Variants in DCTN1 observed in about 807,000 individuals in gnomAD.
The protein encoded by DCTN1 is 150 kDa dynein-associated polypeptide.
Under a neutral mutation model 161.2 loss-of-function variants are expected in DCTN1, and 61 were observed. The ratio of observed to expected loss-of-function variants is 0.38; its 90% CI spans 0.31 to 0.47. DCTN1 has a LOEUF of 0.47. Among genes scored for constraint, DCTN1 ranks in the 20% least tolerant of loss-of-function variants. The pLI is 0.99. For missense variants in DCTN1, 1,404 were observed against 1,623.7 expected, an observed-to-expected ratio of 0.86 and a Z score of 2.33; for synonymous variants, 653 against 632.4, an observed-to-expected ratio of 1.03 and a Z score of -0.49.
intron 26 of DCTN1, 36 bp downstream of exon 26, chr2:74,365,039 C>T (rs1674297791): frequency 1.2e-6 from 2 of 1,612,874 alleles, no homozygotes; most frequent in Non-Finnish European, 1.7e-6. Flanking sequence ...AAGACAATCT[C>T]CTCTGTGCTA....
At chr2:74,390,579 CT>C (rs1558956870) in intron 1 of DCTN1, 1 of 451,000 alleles carries the variant, frequency 2.2e-6, no homozygotes, top group Admixed American at 2.4e-5. Flanking sequence ...GTCCAGACTC[CT>C]ACCTTATAGG....
In DCTN1 at chr2:74,371,399, A is replaced by C; in HGVS notation, c.645+138T>G. The stretch of plus-strand genomic sequence containing the variant: ...AAAGGATGGCTCAGTCAGTAGCAAG[A>C]TATCCATAGGCTATGTCCTCACCCT... On this transcript the variant is annotated intron_variant, in intron 8 of 31. Transcript: ENST00000628224. 4 of 1,244,972 alleles carry C rather than the reference A, an allele frequency of 3.2e-6. No homozygotes were observed. The South Asian group carries it at 5.7e-5, about 18-fold the overall frequency. The allele number at this position is 1,244,972 out of a possible 1,614,324, so 77.1% of individuals were successfully genotyped here. A position where few individuals can be genotyped will look rare whatever the true frequency, so the allele number is the denominator to read the frequency against.
Position 74,371,127 on chromosome 2 carries a change from T to C in DCTN1, c.695A>G (p.Glu232Gly), listed in dbSNP as rs1238860517. 6.2e-7 allele frequency: 1 copy of C among 1,614,182 alleles called. No homozygotes were observed. The highest frequency in any genetic ancestry group is 8.5e-7 in the Non-Finnish European group (1 of 1,180,036). ...AQVRDLEEKL[E>G]TLRLKRAEDK... ...TTCTGCCCGTTTCAGTCTCAGGGTC[T>C]CTAGTTTCTCCTCCAGGTCCCGCAC... The change falls in exon 9 of 32, where the codon GAG becomes GGG. Residue 232 changes from glutamate to glycine, a missense_variant. Physicochemically the swap from Glu to Gly is moderately conservative, Grantham distance 98. Transcript: ENST00000628224.
At chr2:74,365,386 GT>G in intron 25 of DCTN1, 128 bp downstream of exon 25, 1 of 1,552,316 alleles carries the variant, frequency 6.4e-7, no homozygotes, top group South Asian at 1.2e-5. Context: ...ATGCAATGGG[GT>G]TGGCAGTGGG....
intron 26 of DCTN1, chr2:74,363,872 G>A (rs1674209350): frequency 1.7e-6 from 1 of 604,510 alleles, no homozygotes; most frequent in Non-Finnish European, 3.0e-6. Flanking sequence ...GTGAAGAACA[G>A]TGGCAAAGAG....
rs756173900 is a variant in DCTN1 at position 74,368,039 on chromosome 2, T to C, written c.1947A>G (p.Gln649=). 45 of 1,613,956 alleles carry C rather than the reference T, an allele frequency of 2.8e-5. No homozygotes were observed. The highest frequency in any genetic ancestry group is 4.0e-5 in the African/African-American group (3 of 74,918). Residue 649 remains glutamine (Q), a synonymous_variant, in exon 17 of 32, where the codon CAA becomes CAG. Transcript: ENST00000628224. ...ACACCAGTCCAGCAGCAAAGCTGAG[T>C]TGCTCCCCAGCAGCTCCTCGCAGCC... ...RPGLRGAAGE[Q]LSFAAGLVYS...
At chr2:74,379,008 T>G (rs562217374) in intron 1 of DCTN1, 1 of 153,406 alleles carries the variant, frequency 6.5e-6, no homozygotes, top group Admixed American at 6.5e-5. Flanking sequence ...GTAAATTGGG[T>G]GGATCTACCC....
intron 8 of DCTN1, 137 bp downstream of exon 8, chr2:74,371,400 T>C (rs1376188721): frequency 8.0e-7 from 1 of 1,243,874 alleles, no homozygotes; most frequent in African/African-American, 1.5e-5. Context: ...AGTAGCAAGA[T>C]ATCCATAGGC....
At chr2:74,363,961 C>A (rs191061652) in intron 26 of DCTN1, 2 of 430,998 alleles carry the variant, frequency 4.6e-6, no homozygotes, top group African/African-American at 4.0e-5. Flanking sequence ...AAGAAGGGCA[C>A]GGAGAATGCT....
At chr2:74,374,154 G>T in intron 6 of DCTN1, 169 bp downstream of exon 6, 1 of 710,244 alleles carries the variant, frequency 1.4e-6, no homozygotes, top group Non-Finnish European at 2.5e-6. Flanking sequence ...AATGCCCAGG[G>T]TGTGGGGCAT....
intron 26 of DCTN1, chr2:74,363,951 A>G: frequency 2.2e-6 from 1 of 450,670 alleles, no homozygotes. Context: ...TGCCATCTCC[A>G]AGAAGGGCAC....
chr2:74,390,035 C>A (rs1558956504), intron 1 of DCTN1, among the ~76,000 whole-genome samples: 1 of 152,086 alleles, frequency 6.6e-6, no homozygotes, highest in Admixed American at 6.6e-5. Context: ...TCAAACAATC[C>A]TGGATTCAAC....
In DCTN1 at chr2:74,363,084, C is replaced by T. The variant is rs373738724; in HGVS notation, c.3439G>A (p.Ala1147Thr). The T allele has an allele frequency of 1.2e-6, 2 of 1,613,700 alleles. No individual in the cohort carries two copies. The highest frequency in any genetic ancestry group is 8.5e-7 in the Non-Finnish European group (1 of 1,179,850). Residue 1147 changes from alanine to threonine, a missense_variant, in exon 29 of 32, where the codon GCG (alanine) becomes ACG (threonine). By Grantham distance (58) the Ala-to-Thr change is moderately conservative. Transcript: ENST00000628224. ...AGCTGGCTGGTCTTACGATACAGCG[C>T]TCCAGCTGGTAACTCACTGCCAGGG... ...EGPGSELPAG[A>T]LYRKTSQLLE...
chr2:74,374,926 G>T (rs1188897723), intron 5 of DCTN1, among the ~76,000 whole-genome samples: 1 of 152,146 alleles, frequency 6.6e-6, no homozygotes, highest in Non-Finnish European at 1.5e-5. Context: ...GCATTCTATG[G>T]GGCCAGGGCA....
chr2:74,390,970 A>T (rs1675969842), intron 1 of DCTN1, among the ~76,000 whole-genome samples: 1 of 152,250 alleles, frequency 6.6e-6, no homozygotes, highest in African/African-American at 2.4e-5. Flanking sequence ...TTGGAGATTC[A>T]TGGTAAATAT....
At chr2:74,372,976 A>T (rs779472325) in intron 6 of DCTN1, 28 bp from the exon 7 acceptor site, 6 of 1,612,898 alleles carry the variant, frequency 3.7e-6, no homozygotes, top group East Asian at 4.5e-5. Flanking sequence ...GCCAGAAGAG[A>T]AGTAGTCAGG....
intron 2 of DCTN1, 115 bp downstream of exon 2, chr2:74,377,885 C>A: frequency 6.6e-7 from 1 of 1,519,278 alleles, no homozygotes; most frequent in Non-Finnish European, 9.1e-7. Flanking sequence ...CTACCTTCCA[C>A]TCTCCCAACC....
At chr2:74,384,124 A>G (rs1409105406), upstream of DCTN1, among the ~76,000 whole-genome samples, 1 of 152,256 alleles carries the variant, frequency 6.6e-6, no homozygotes, top group Non-Finnish European at 1.5e-5. Flanking sequence ...GTTAGGAGAG[A>G]GAAAATGCGT....
chr2:74,372,868 A>G (rs1674966305), intron 7 of DCTN1, 60 bp downstream of exon 7: 1 of 1,558,296 alleles, frequency 6.4e-7, no homozygotes, highest in South Asian at 1.1e-5. Flanking sequence ...TCATACATCC[A>G]CATGCCTGAA....
Sources: allele counts gnomAD v4.1 joint callset (sites outside exome capture counted in the v4.1 genomes callset), GRCh38; gene constraint gnomAD v4.1.1; transcripts MANE v1.5; gene names NCBI Gene and HGNC (gene_info 2026-07-23, HGNC 2026-07-21).